Variants in LRRTM4 observed in about 807,000 individuals in gnomAD.
LRRTM4 encodes leucine-rich repeat transmembrane neuronal protein 4.
LRRTM4 carries 25 observed loss-of-function variants against 47.6 expected under a neutral mutation model. The observed-to-expected ratio is 0.53, with a 90% CI of 0.38 to 0.73. The LOEUF (loss-of-function observed/expected upper bound fraction) is 0.73. LRRTM4 is among the 30% of genes least tolerant of loss of function. The pLI, the probability that LRRTM4 is intolerant of heterozygous loss-of-function variation, is 0.00. For missense variants in LRRTM4, 638 were observed against 713.4 expected, an observed-to-expected ratio of 0.89 and a Z score of 1.20; for synonymous variants, 311 against 269.5, an observed-to-expected ratio of 1.15 and a Z score of -1.51.
chr2:77,311,770 CA>C (rs1343103223), intron 3 of LRRTM4, among the ~76,000 whole-genome samples: 2 of 152,032 alleles, frequency 1.3e-5, no homozygotes, highest in Non-Finnish European at 2.9e-5. Context: ...AGGTCAGACA[CA>C]AATTTAAGAA....
intron 3 of LRRTM4, among the ~76,000 whole-genome samples, chr2:76,803,443 A>T (rs533651412): frequency 1.4e-4 from 21 of 152,240 alleles, no homozygotes; most frequent in African/African-American, 5.1e-4. Flanking sequence ...AAAGACAAAA[A>T]AGTACATTTT....
At chr2:77,495,309 C>G (rs11126613) in intron 3 of LRRTM4, among the ~76,000 whole-genome samples, 3 of 151,810 alleles carry the variant, frequency 2.0e-5, no homozygotes, top group Non-Finnish European at 4.4e-5. Flanking sequence ...AATACTTGAT[C>G]TGTCATTTTT....
intron 3 of LRRTM4, among the ~76,000 whole-genome samples, chr2:76,936,272 G>T (rs1336829735): frequency 6.6e-6 from 1 of 152,072 alleles, no homozygotes; most frequent in Non-Finnish European, 1.5e-5. Context: ...AAAAGGACAA[G>T]TTCATGGCCT....
At chr2:77,021,035 T>C (rs1678248240) in intron 3 of LRRTM4, among the ~76,000 whole-genome samples, 1 of 152,146 alleles carries the variant, frequency 6.6e-6, no homozygotes, top group Admixed American at 6.5e-5. Flanking sequence ...GTTTTTCAGT[T>C]TGTGGGTCCC....
At chr2:76,756,054 C>T (rs766040375) in intron 3 of LRRTM4, among the ~76,000 whole-genome samples, 1 of 152,086 alleles carries the variant, frequency 6.6e-6, no homozygotes, top group Non-Finnish European at 1.5e-5. Flanking sequence ...ATAGGCAAGA[C>T]CTAAGGCCAT....
At chr2:77,072,818 A>AC (rs1680203623) in intron 3 of LRRTM4, among the ~76,000 whole-genome samples, 1 of 151,550 alleles carries the variant, frequency 6.6e-6, no homozygotes, top group African/African-American at 2.4e-5. Context: ...AAAAAAAAAA[A>AC]AAAAACAAAG....
intron 3 of LRRTM4, among the ~76,000 whole-genome samples, chr2:76,756,090 C>T (rs943275900): frequency 6.6e-6 from 1 of 152,110 alleles, no homozygotes; most frequent in Non-Finnish European, 1.5e-5. Context: ...AGTCATGCAC[C>T]CCTACAGATC....
At chr2:77,472,277 G>A (rs1054193163) in intron 3 of LRRTM4, among the ~76,000 whole-genome samples, 4 of 152,030 alleles carry the variant, frequency 2.6e-5, no homozygotes, top group African/African-American at 9.7e-5. Context: ...AAGTTATAGT[G>A]CCAACAGGCT....
At position 76,959,656 on chromosome 2, in the gene LRRTM4, A is replaced by G. The variant is rs1675787577; in HGVS notation, c.1552-210740T>C. ...TTTTCATGAAATATGTGCAAACAAC[A>G]TGCAAAATAAGGTAACTTAAGCATG... On this transcript the variant is annotated intron_variant, in intron 3 of 3. Transcript: ENST00000409884. Among the ~76,000 whole-genome samples, 6 of 151,734 alleles carry G rather than the reference A, an allele frequency of 4.0e-5. No homozygotes were observed. The South Asian group carries it at 1.2e-3, about 31-fold the overall frequency.
intron 3 of LRRTM4, among the ~76,000 whole-genome samples, chr2:77,444,838 TG>T (rs1675985573): frequency 6.6e-6 from 1 of 151,734 alleles, no homozygotes; most frequent in Non-Finnish European, 1.5e-5. Context: ...ATCTTCACGT[TG>T]TTTTTCTGTA....
At chr2:77,453,586 C>T (rs2103956688) in intron 3 of LRRTM4, among the ~76,000 whole-genome samples, 1 of 152,248 alleles carries the variant, frequency 6.6e-6, no homozygotes, top group Middle Eastern at 3.4e-3. Flanking sequence ...ATCCTTATAA[C>T]ATAATGATCA....
At chr2:76,976,441 A>G (rs1186964480) in intron 3 of LRRTM4, among the ~76,000 whole-genome samples, 1 of 151,642 alleles carries the variant, frequency 6.6e-6, no homozygotes, top group Non-Finnish European at 1.5e-5. Flanking sequence ...CCACATGAAT[A>G]ATAATATTAG....
At chr2:76,914,799 G>C (rs1029046354) in intron 3 of LRRTM4, among the ~76,000 whole-genome samples, 5 of 151,954 alleles carry the variant, frequency 3.3e-5, no homozygotes, top group African/African-American at 1.2e-4. Flanking sequence ...ACCTAATTTT[G>C]TTTCTCACCA....
At chr2:76,818,554 C>CA (rs1226270878) in intron 3 of LRRTM4, among the ~76,000 whole-genome samples, 1 of 151,704 alleles carries the variant, frequency 6.6e-6, no homozygotes, top group Non-Finnish European at 1.5e-5. Context: ...TTCTCTTTTT[C>CA]AATTCCTCAC....
intron 3 of LRRTM4, among the ~76,000 whole-genome samples, chr2:77,496,637 C>A (rs1273889911): frequency 3.3e-5 from 5 of 151,620 alleles, no homozygotes; most frequent in African/African-American, 9.7e-5. Flanking sequence ...CTATACTGAC[C>A]TAGCATTCCT....
chr2:77,007,023 T>A (rs2104048216), intron 3 of LRRTM4, among the ~76,000 whole-genome samples: 1 of 152,254 alleles, frequency 6.6e-6, no homozygotes, highest in South Asian at 2.1e-4. Flanking sequence ...ATGTTGGCTT[T>A]GTTTTTTGTT....
At chr2:77,266,791 G>T (rs1157114184) in intron 3 of LRRTM4, among the ~76,000 whole-genome samples, 2 of 152,124 alleles carry the variant, frequency 1.3e-5, no homozygotes, top group Admixed American at 6.6e-5. Flanking sequence ...GCACAAGAGA[G>T]TGCAGGATGA....
chr2:76,850,126 C>T (rs1483014488), intron 3 of LRRTM4, among the ~76,000 whole-genome samples: 2 of 152,122 alleles, frequency 1.3e-5, no homozygotes, highest in Non-Finnish European at 2.9e-5. Context: ...TTTTGTGTCT[C>T]AGAATTTTTC....
intron 3 of LRRTM4, among the ~76,000 whole-genome samples, chr2:77,159,960 C>T (rs1672666988): frequency 6.6e-6 from 1 of 152,282 alleles, no homozygotes; most frequent in Admixed American, 6.5e-5. Context: ...TTTTCTGGCA[C>T]TGCTTCTATG....
Sources: allele counts gnomAD v4.1 joint callset (sites outside exome capture counted in the v4.1 genomes callset), GRCh38; gene constraint gnomAD v4.1.1; transcripts MANE v1.5; gene names NCBI Gene and HGNC (gene_info 2026-07-23, HGNC 2026-07-21).